Variants in TRAT1 observed in about 807,000 individuals in gnomAD.
The protein encoded by TRAT1 is T-cell receptor-associated transmembrane adapter 1.
A neutral mutation model predicts 20.0 loss-of-function variants in TRAT1; 20 were observed. The ratio of observed to expected loss-of-function variants is 1.00; its 90% CI spans 0.70 to 1.45. TRAT1 has a LOEUF of 1.45. Among genes scored for constraint, TRAT1 ranks in the 40% most tolerant of loss-of-function variants. The pLI is 0.00. For missense variants in TRAT1, 237 were observed against 224.1 expected (o/e 1.06, Z -0.37); for synonymous variants, 77 against 74.2 (o/e 1.04, Z -0.20).
At chr3:108,842,488 G>A (rs942991502) in intron 3 of TRAT1, among the ~76,000 whole-genome samples, 2 of 152,074 alleles carry the variant, frequency 1.3e-5, no homozygotes, top group Admixed American at 6.5e-5. Flanking sequence ...GCCTTCACTA[G>A]ACCCAGTACC....
intron 2 of TRAT1, among the ~76,000 whole-genome samples, chr3:108,833,791 G>C (rs186494217): frequency 1.1e-3 from 144 of 130,146 alleles, no homozygotes; most frequent in African/African-American, 3.8e-3. Flanking sequence ...TAGGGTTCTT[G>C]TAAGAATTAC....
Position 108,854,011 on chromosome 3 carries a change from C to A in TRAT1, c.*134C>A, listed in dbSNP as rs1323091940. The A allele has an allele frequency of 2.5e-6, 2 of 788,620 alleles. No individual in the cohort carries two copies. The highest frequency in any genetic ancestry group is 2.1e-6 in the Non-Finnish European group (1 of 476,838). The allele number at this position is 788,620 out of a possible 1,614,324, so 48.9% of individuals were successfully genotyped here. A position where few individuals can be genotyped will look rare whatever the true frequency, so the allele number is the denominator to read the frequency against. The stretch of plus-strand genomic sequence containing the variant: ...CATTTGTTGATGGGATGGTGGCTTA[C>A]CTCTTATTCACAGCTTACACTTATG... On this transcript the variant is annotated 3_prime_UTR_variant, in exon 6 of 6. Transcript: ENST00000295756.
intron 1 of TRAT1, among the ~76,000 whole-genome samples, chr3:108,829,312 A>G (rs1307039852): frequency 6.6e-6 from 1 of 152,100 alleles, no homozygotes; most frequent in South Asian, 2.1e-4. Flanking sequence ...GGCTGGGCTC[A>G]GTGTCTCGCA....
At chr3:108,851,069 G>A (rs1292311742) in intron 5 of TRAT1, among the ~76,000 whole-genome samples, 2 of 151,942 alleles carry the variant, frequency 1.3e-5, no homozygotes, top group Non-Finnish European at 2.9e-5. Flanking sequence ...TAATATCTTC[G>A]TATTTGCTCA....
chr3:108,840,269 A>T (rs1443738474), intron 3 of TRAT1, among the ~76,000 whole-genome samples: 1 of 152,168 alleles, frequency 6.6e-6, no homozygotes, highest in African/African-American at 2.4e-5. Flanking sequence ...ATCAAGAATG[A>T]TTTGCTTACT....
chr3:108,824,837 T>C (rs1945722127), intron 1 of TRAT1, among the ~76,000 whole-genome samples: 1 of 152,210 alleles, frequency 6.6e-6, no homozygotes, highest in Non-Finnish European at 1.5e-5. Context: ...CTGATGATGA[T>C]GGGGAACTCA....
intron 3 of TRAT1, among the ~76,000 whole-genome samples, chr3:108,843,514 GC>G (rs1287901259): frequency 6.6e-6 from 1 of 152,056 alleles, no homozygotes; most frequent in Non-Finnish European, 1.5e-5. Context: ...TGGTGACAGA[GC>G]AAGACTCCGT....
At chr3:108,835,312 G>C (rs1426694652) in intron 2 of TRAT1, among the ~76,000 whole-genome samples, 1 of 152,226 alleles carries the variant, frequency 6.6e-6, no homozygotes, top group Non-Finnish European at 1.5e-5. Flanking sequence ...AGCTCACCTA[G>C]TTCTTCCCAC....
chr3:108,825,397 CAATT>C (rs1945728341), intron 1 of TRAT1, among the ~76,000 whole-genome samples: 1 of 151,960 alleles, frequency 6.6e-6, no homozygotes, highest in Non-Finnish European at 1.5e-5. Context: ...TAATGATTCA[CAATT>C]TAGTTTACTC....
Position 108,846,262 on chromosome 3 carries a change from C to T in TRAT1, c.153-806C>T, listed in dbSNP as rs554557974. Among the ~76,000 whole-genome samples, 6 of 152,288 alleles carry T rather than the reference C, an allele frequency of 3.9e-5. No individual in the cohort carries two copies. In the East Asian group the frequency reaches 9.6e-4, roughly 24 times the overall value. On this transcript the variant is annotated intron_variant, in intron 3 of 5. Transcript: ENST00000295756. Reference sequence around the variant, plus strand: ...CACAATAGGGATAAAATATGCATCTCATATGATTGTCCTGAGGGTTGAATG... The same window carrying T: ...CACAATAGGGATAAAATATGCATCTTATATGATTGTCCTGAGGGTTGAATG...
intron 3 of TRAT1, among the ~76,000 whole-genome samples, chr3:108,844,843 CAAAAAAAAAAAAAAA>C (rs71103495): frequency 2.1e-5 from 1 of 47,842 alleles, no homozygotes; most frequent in Non-Finnish European, 3.7e-5. Flanking sequence ...GACTCTGTCT[CAAAAAAAAAAAAAAA>C]AAAAAAAAAA....
chr3:108,836,023 G>A (rs867148112), intron 2 of TRAT1, among the ~76,000 whole-genome samples: 2 of 152,058 alleles, frequency 1.3e-5, no homozygotes, highest in East Asian at 3.9e-4. Context: ...GGATTCAAGC[G>A]ATTCCCCTGC....
chr3:108,850,523 G>A (rs1331247568), intron 5 of TRAT1, among the ~76,000 whole-genome samples: 3 of 151,770 alleles, frequency 2.0e-5, no homozygotes, highest in Admixed American at 6.6e-5. Context: ...TAGGCTGGTC[G>A]CAAACTCCCG....
intron 3 of TRAT1, among the ~76,000 whole-genome samples, chr3:108,839,843 CA>C (rs904998797): frequency 5.3e-5 from 8 of 151,714 alleles, no homozygotes; most frequent in African/African-American, 1.7e-4. Flanking sequence ...TAGTAGTATA[CA>C]TTTTTTTAAA....
At chr3:108,847,496 C>T (rs1945958227) in intron 4 of TRAT1, 1 of 186,274 alleles carries the variant, frequency 5.4e-6, no homozygotes, top group African/African-American at 2.4e-5. Flanking sequence ...TATACAAAAG[C>T]AAATGTACAG....
At chr3:108,851,109 T>TA (rs1032314061) in intron 5 of TRAT1, among the ~76,000 whole-genome samples, 1 of 152,182 alleles carries the variant, frequency 6.6e-6, no homozygotes, top group African/African-American at 2.4e-5. Context: ...TTTATTATCA[T>TA]AAAAAAACAC....
chr3:108,831,834 C>T lies in TRAT1; in HGVS notation c.118+1054C>T, dbSNP rs537647969. On this transcript the variant is annotated intron_variant, in intron 2 of 5. Transcript: ENST00000295756. ...CTGAGATTACAGGTGTGAGCAACCA[C>T]GCCCAGCCTGGAAGGTGTTTAAATA... 8.5e-5 allele frequency among the ~76,000 whole-genome samples: 13 copies of T among 152,162 alleles called. No individual in the cohort carries two copies. The South Asian group carries it at 1.7e-3, about 19-fold the overall frequency.
At chr3:108,843,400 T>C (rs1213476517) in intron 3 of TRAT1, among the ~76,000 whole-genome samples, 1 of 152,020 alleles carries the variant, frequency 6.6e-6, no homozygotes, top group Non-Finnish European at 1.5e-5. Context: ...CATGTCGTCA[T>C]GCGCCTGTAG....
chr3:108,851,054 A>C lies in TRAT1; in HGVS notation c.303+1800A>C, dbSNP rs1945993616. Among the ~76,000 whole-genome samples the C allele has an allele frequency of 2.0e-5, 3 of 152,280 alleles. No homozygotes were observed. In the South Asian group the frequency reaches 6.2e-4, roughly 32 times the overall value. ...TCTCATAAATTTAGTTTCACAAATT[A>C]GAGGTAATATCTTCGTATTTGCTCA... On this transcript the variant is annotated intron_variant, in intron 5 of 5. Coordinates refer to ENST00000295756, the MANE Select transcript of TRAT1 (RefSeq NM_016388.4).
Sources: allele counts gnomAD v4.1 joint callset (sites outside exome capture counted in the v4.1 genomes callset), GRCh38; gene constraint gnomAD v4.1.1; transcripts MANE v1.5; gene names NCBI Gene and HGNC (gene_info 2026-07-23, HGNC 2026-07-21).